The following MSRB3 variants were observed in gnomAD, a reference collection of about 807,000 sequenced individuals.
The protein encoded by MSRB3 is methionine-R-sulfoxide reductase B3.
A neutral mutation model predicts 21.0 loss-of-function variants in MSRB3; 13 were observed. The observed-to-expected ratio is 0.62, with a 90% confidence interval of 0.40 to 0.98. The LOEUF (loss-of-function observed/expected upper bound fraction) is 0.98, where lower values mean the gene tolerates loss of function less well. Ranked by LOEUF, MSRB3 falls within the 50% of genes least tolerant of loss-of-function variation. The pLI, the probability that MSRB3 is intolerant of heterozygous loss-of-function variation, is 0.00. For synonymous variants in MSRB3, 87 were observed against 88.6 expected (o/e 0.98, Z 0.10); for missense variants, 199 against 230.3 (o/e 0.86, Z 0.88).
intron 1 of MSRB3, chr12:65,286,450 T>A (rs1478899335): frequency 6.6e-6 from 1 of 152,208 alleles, no homozygotes; most frequent in East Asian, 1.9e-4. Flanking sequence ...AAATACTTTT[T>A]AAAAATTATA....
chr12:65,399,150 A>G (rs1055304464), intron 5 of MSRB3, among the ~76,000 whole-genome samples: 3 of 152,132 alleles, frequency 2.0e-5, no homozygotes, highest in Non-Finnish European at 2.9e-5. Flanking sequence ...AAGAAAGTCA[A>G]TGGTAGCTTG....
At chr12:65,327,082 G>T in intron 3 of MSRB3, 148 bp downstream of exon 3, 2 of 675,798 alleles carry the variant, frequency 3.0e-6, no homozygotes, top group South Asian at 3.5e-5. Flanking sequence ...GGTTAAAATG[G>T]TGTTGTTTAG....
rs930105181 is a variant in MSRB3, at chr12:65,302,035, T to C, written c.-51-6494T>C. Among the ~76,000 whole-genome samples, 20 of 152,260 alleles carry C rather than the reference T, an allele frequency of 1.3e-4. No homozygotes were observed. In the East Asian group the frequency reaches 3.7e-3, roughly 28 times the overall value. On this transcript the variant is annotated intron_variant, in intron 1 of 6. Coordinates refer to ENST00000308259, the MANE Select transcript of MSRB3 (RefSeq NM_001031679.3). ...TTATAAATTATTTAAGCTTTCAGGT[T>C]AAAATAAAGTTTTACTATTTTAAGA...
At chr12:65,420,746 G>C (rs2136642673) in intron 5 of MSRB3, among the ~76,000 whole-genome samples, 1 of 152,208 alleles carries the variant, frequency 6.6e-6, no homozygotes, top group South Asian at 2.1e-4. Flanking sequence ...TTCTGTTCTT[G>C]TGTGCTAAGG....
chr12:65,306,767 A>T, intron 1 of MSRB3: 2 of 840,688 alleles, frequency 2.4e-6, no homozygotes, highest in Non-Finnish European at 2.9e-6. Context: ...ACAGAATATT[A>T]AATCACACAG....
At chr12:65,327,830 G>C (rs1875149635) in intron 3 of MSRB3, among the ~76,000 whole-genome samples, 1 of 152,206 alleles carries the variant, frequency 6.6e-6, no homozygotes, top group Admixed American at 6.5e-5. Context: ...TGAGCTAGCA[G>C]TGGACTTCAG....
chr12:65,451,775 C>T (rs1241383181), intron 5 of MSRB3, among the ~76,000 whole-genome samples: 1 of 152,188 alleles, frequency 6.6e-6, no homozygotes, highest in Non-Finnish European at 1.5e-5. Flanking sequence ...TGATTTTATT[C>T]TCTCTCTTTC....
At chr12:65,321,254 T>G (rs1052413474) in intron 2 of MSRB3, among the ~76,000 whole-genome samples, 1 of 152,174 alleles carries the variant, frequency 6.6e-6, no homozygotes, top group Non-Finnish European at 1.5e-5. Context: ...ATCTATTTAG[T>G]ACTCCAGGAA....
chr12:65,287,935 C>T lies in MSRB3; in HGVS notation c.-52+9070C>T, dbSNP rs572614551. ...TTTCTAGTCTTGTTTTTGCCTGAGT[C>T]GTTTAAGCTTCTTGTGCCTCAGTTT... On this transcript the variant is annotated intron_variant, in intron 1 of 6. Coordinates refer to ENST00000308259, the MANE Select transcript of MSRB3 (RefSeq NM_001031679.3). Among the ~76,000 whole-genome samples, 3 of 152,202 alleles carry T rather than the reference C, an allele frequency of 2.0e-5. No individual in the cohort carries two copies. In the East Asian group the frequency reaches 5.8e-4, roughly 29 times the overall value.
chr12:65,285,576 C>G (rs1486792254), intron 1 of MSRB3: 1 of 152,234 alleles, frequency 6.6e-6, no homozygotes, highest in South Asian at 2.1e-4. Context: ...GGCTCATACC[C>G]GTAATCCCAG....
chr12:65,431,713 C>A (rs1307978059), intron 5 of MSRB3, among the ~76,000 whole-genome samples: 1 of 151,934 alleles, frequency 6.6e-6, no homozygotes, highest in Non-Finnish European at 1.5e-5. Context: ...TTTTGACATG[C>A]GAGTTTCAGA....
intron 5 of MSRB3, among the ~76,000 whole-genome samples, chr12:65,436,600 G>A (rs1188688872): frequency 2.6e-5 from 4 of 151,708 alleles, no homozygotes; most frequent in African/African-American, 9.7e-5. Context: ...CATTTCTAGA[G>A]TTTTTTAATT....
At chr12:65,318,723 A>G (rs546770868) in intron 2 of MSRB3, among the ~76,000 whole-genome samples, 2 of 152,312 alleles carry the variant, frequency 1.3e-5, no homozygotes, top group East Asian at 3.9e-4. Context: ...TCTTTGGATC[A>G]AGACATTTTA....
Position 65,447,251 on chromosome 12 carries a change from T to C in MSRB3, c.293-6477T>C, listed in dbSNP as rs183729975. Among the ~76,000 whole-genome samples, 9 of 152,158 alleles carry C rather than the reference T, an allele frequency of 5.9e-5. No individual in the cohort carries two copies. In the East Asian group the frequency reaches 1.7e-3, roughly 29 times the overall value. On this transcript the variant is annotated intron_variant, in intron 5 of 6. Coordinates refer to ENST00000308259, the MANE Select transcript of MSRB3 (RefSeq NM_001031679.3). ...ACCTCCATCAGATGTGTAGGATAAC[T>C]GACCTTGGCCTCCATGTTTAAATAG...
chr12:65,378,335 C>T (rs760262643), intron 5 of MSRB3, among the ~76,000 whole-genome samples: 71 of 152,184 alleles, frequency 4.7e-4, no homozygotes, highest in Middle Eastern at 6.8e-3. Context: ...CACAATAATG[C>T]AGTATAATAG....
At chr12:65,340,964 A>T (rs1170794007) in intron 4 of MSRB3, among the ~76,000 whole-genome samples, 1 of 152,122 alleles carries the variant, frequency 6.6e-6, no homozygotes, top group East Asian at 1.9e-4. Context: ...TGCTATTATA[A>T]ACTGTATCAA....
chr12:65,435,014 G>C (rs1882053100), intron 5 of MSRB3, among the ~76,000 whole-genome samples: 1 of 151,862 alleles, frequency 6.6e-6, no homozygotes, highest in African/African-American at 2.4e-5. Context: ...GGTGGCTGTG[G>C]AATGGAGAGG....
chr12:65,438,741 T>C (rs1882236837), intron 5 of MSRB3, among the ~76,000 whole-genome samples: 1 of 151,760 alleles, frequency 6.6e-6, no homozygotes, highest in South Asian at 2.1e-4. Context: ...ATATAGCATC[T>C]TGATATGGAA....
intron 1 of MSRB3, among the ~76,000 whole-genome samples, chr12:65,303,483 A>G (rs1382203696): frequency 6.6e-6 from 1 of 152,182 alleles, no homozygotes; most frequent in Admixed American, 6.5e-5. Context: ...AGGAACTAAT[A>G]ATTTTATAAT....
Sources: allele counts gnomAD v4.1 joint callset (sites outside exome capture counted in the v4.1 genomes callset), GRCh38; gene constraint gnomAD v4.1.1; transcripts MANE v1.5; gene names NCBI Gene and HGNC (gene_info 2026-07-23, HGNC 2026-07-21).